RNF146: variants seen among roughly 807,000 people sequenced by gnomAD.
RNF146 encodes the protein E3 ubiquitin-protein ligase RNF146.
A neutral mutation model predicts 29.7 loss-of-function variants in RNF146; 11 were observed. The observed-to-expected ratio is 0.37, with a 90% CI of 0.23 to 0.61. The LOEUF (loss-of-function observed/expected upper bound fraction) is 0.61, where lower values mean the gene tolerates loss of function less well. Among genes scored for constraint, RNF146 ranks in the 20% least tolerant of loss-of-function variants. The pLI is 0.66. For synonymous variants in RNF146, 150 were observed against 159.7 expected, an observed-to-expected ratio of 0.94 and a Z score of 0.46; for missense variants, 342 against 438.9, an observed-to-expected ratio of 0.78 and a Z score of 1.97.
chr6:127,267,003 G>A (rs557100644), intron 1 of RNF146, 78 bp downstream of exon 1: 56 of 152,528 alleles, frequency 3.7e-4, no homozygotes, highest in South Asian at 1.2e-3. Context: ...GGGGAGAGGA[G>A]GCATAGCTCG....
At chr6:127,271,757 G>A (rs896437770) in intron 1 of RNF146, among the ~76,000 whole-genome samples, 1 of 152,126 alleles carries the variant, frequency 6.6e-6, no homozygotes, top group Admixed American at 6.5e-5. Flanking sequence ...AAGCAGTAAT[G>A]TAGAAACGTT....
At chr6:127,275,916 C>A (rs796707195) in intron 1 of RNF146, among the ~76,000 whole-genome samples, 41 of 152,120 alleles carry the variant, frequency 2.7e-4, no homozygotes, top group African/African-American at 9.6e-4. Flanking sequence ...CAGTTTAGAT[C>A]TTTAAAACCT....
intron 1 of RNF146, among the ~76,000 whole-genome samples, chr6:127,278,468 G>A (rs769146036): frequency 6.6e-6 from 1 of 151,946 alleles, no homozygotes; most frequent in South Asian, 2.1e-4. Flanking sequence ...TTTTCTGTAT[G>A]TGGCTTATTA....
At chr6:127,268,913 C>G (rs562475338) in intron 1 of RNF146, among the ~76,000 whole-genome samples, 2 of 152,172 alleles carry the variant, frequency 1.3e-5, no homozygotes, top group East Asian at 1.9e-4. Flanking sequence ...GATATTAAAT[C>G]TTTTGTTTTC....
chr6:127,283,617 A>G (rs1364391836), intron 2 of RNF146, among the ~76,000 whole-genome samples: 1 of 151,766 alleles, frequency 6.6e-6, no homozygotes, highest in Admixed American at 6.6e-5. Context: ...CTTTGTGTCT[A>G]TCTTGTTACA....
At chr6:127,285,368 A>G (rs1029379858) in intron 2 of RNF146, 7 of 983,456 alleles carry the variant, frequency 7.1e-6, no homozygotes, top group Admixed American at 6.2e-5. Context: ...CTTGTTGACT[A>G]TATCTTTTGT....
chr6:127,283,360 T>C (rs1335240334), intron 2 of RNF146, among the ~76,000 whole-genome samples: 1 of 151,810 alleles, frequency 6.6e-6, no homozygotes, highest in East Asian at 1.9e-4. Context: ...TTTTCAAAAT[T>C]AGAATTTTCT....
intron 1 of RNF146, among the ~76,000 whole-genome samples, chr6:127,276,289 C>T (rs1778199058): frequency 6.6e-6 from 1 of 151,896 alleles, no homozygotes; most frequent in Non-Finnish European, 1.5e-5. Context: ...TAAACTAGGG[C>T]ACTAGCAATG....
chr6:127,286,592 A>G lies in RNF146; in HGVS notation c.3-24A>G. The G allele has an allele frequency of 1.3e-6, 2 of 1,568,582 alleles. No individual in the cohort carries two copies. The highest frequency in any genetic ancestry group is 2.3e-5 in the South Asian group (2 of 85,186). On this transcript the variant is annotated intron_variant, in intron 2 of 2. Transcript: ENST00000368314. This position sits in a 1 kb window ranked among gnomAD's most constrained non-coding sequence, Gnocchi z 4.6. ...ATTGCAAGAATTAAAACATGACTTT[A>G]ATATTATATGTATTTTTTCTTAGGA...
chr6:127,273,276 A>G (rs1562280494), intron 1 of RNF146, among the ~76,000 whole-genome samples: 1 of 152,218 alleles, frequency 6.6e-6, no homozygotes, highest in East Asian at 1.9e-4. Context: ...AAATTATTAC[A>G]GTATGTACTA....
Position 127,288,281 on chromosome 6 carries a change from A to C in RNF146, c.*588A>C, listed in dbSNP as rs1465230815. 6.0e-6 allele frequency: 1 copy of C among 166,858 alleles called. No homozygotes were observed. Among genetic ancestry groups the C allele is most frequent in the African/African-American group, 2.4e-5 (1 of 41,412 alleles). 10.3% of individuals were successfully genotyped at this position (166,858 alleles called of 1,614,324 possible). A position where few individuals can be genotyped will look rare whatever the true frequency, so the allele number is the denominator to read the frequency against. On this transcript the variant is annotated 3_prime_UTR_variant, in exon 3 of 3. Transcript: ENST00000368314. ...CCCATAGGCTTTGCTGTCTAGTCTT[A>C]TAGTTTGAGGTTTTTTTGGTCTGCA...
chr6:127,271,458 C>T (rs776658424), intron 1 of RNF146, among the ~76,000 whole-genome samples: 2 of 152,076 alleles, frequency 1.3e-5, no homozygotes, highest in Non-Finnish European at 1.5e-5. Context: ...AATGTGTCTT[C>T]GGCAAAAGTC....
chr6:127,285,117 A>T, intron 2 of RNF146: 1 of 657,344 alleles, frequency 1.5e-6, no homozygotes, highest in Non-Finnish European at 1.9e-6. Context: ...TAAACATTTT[A>T]GTGATCAGTT....
chr6:127,280,758 T>G (rs577171004), intron 2 of RNF146: 15 of 163,044 alleles, frequency 9.2e-5, no homozygotes, highest in Admixed American at 1.3e-4. Flanking sequence ...AATTTCTACA[T>G]AATTGATTTT....
At chr6:127,276,171 T>A (rs1021399187) in intron 1 of RNF146, among the ~76,000 whole-genome samples, 15 of 151,720 alleles carry the variant, frequency 9.9e-5, no homozygotes, top group East Asian at 3.9e-4. Context: ...TGTGTGTGTG[T>A]GAGAGAGTGA....
rs759574883 is a variant in RNF146, at chr6:127,271,459, G to A, written c.-109+4534G>A. Among the ~76,000 whole-genome samples, 12 of 152,008 alleles carry A rather than the reference G, an allele frequency of 7.9e-5. No homozygotes were observed. The South Asian group carries it at 8.3e-4, about 11-fold the overall frequency. The stretch of plus-strand genomic sequence containing the variant: ...CAGTTTTCTTTTTTAATGTGTCTTC[G>A]GCAAAAGTCTAGGTAAATTAACATT... On this transcript the variant is annotated intron_variant, in intron 1 of 2. Transcript: ENST00000368314.
intron 2 of RNF146, among the ~76,000 whole-genome samples, chr6:127,284,238 C>T (rs1004337012): frequency 1.3e-5 from 2 of 151,672 alleles, no homozygotes; most frequent in African/African-American, 4.8e-5. Context: ...TTCATTTTAC[C>T]AGACTCTGTT....
At chr6:127,273,454 A>G (rs1263789030) in intron 1 of RNF146, among the ~76,000 whole-genome samples, 2 of 152,080 alleles carry the variant, frequency 1.3e-5, no homozygotes, top group East Asian at 1.9e-4. Context: ...AATAGACTAT[A>G]TATGTTTTAT....
At chr6:127,278,735 C>T (rs1485096448) in intron 1 of RNF146, among the ~76,000 whole-genome samples, 2 of 151,938 alleles carry the variant, frequency 1.3e-5, no homozygotes, top group Non-Finnish European at 2.9e-5. Flanking sequence ...AATTATTATT[C>T]ACAGCAGCTA....
Sources: allele counts gnomAD v4.1 joint callset (sites outside exome capture counted in the v4.1 genomes callset), GRCh38; gene constraint gnomAD v4.1.1; non-coding constraint Gnocchi (gnomAD v3.1); transcripts MANE v1.5; gene names NCBI Gene and HGNC (gene_info 2026-07-23, HGNC 2026-07-21).